The following SLC44A1 variants were observed in gnomAD, a reference collection of about 807,000 sequenced individuals.
The protein encoded by SLC44A1 is solute carrier family 44 member 1.
In SLC44A1, 26 loss-of-function variants were observed where a neutral mutation model predicts 79.3. The observed-to-expected ratio is 0.33, with a 90% CI of 0.24 to 0.46. The LOEUF (loss-of-function observed/expected upper bound fraction) is 0.46, where lower values mean the gene tolerates loss of function less well. SLC44A1 is among the 20% of genes least tolerant of loss of function. The probability of loss-of-function intolerance (pLI) is 1.00; values close to 1 mark genes in which losing one functional copy is unlikely to be tolerated. For missense variants in SLC44A1, 688 were observed against 798.1 expected, an observed-to-expected ratio of 0.86 and a Z score of 1.66; for synonymous variants, 263 against 286.2, an observed-to-expected ratio of 0.92 and a Z score of 0.82.
intron 12 of SLC44A1, among the ~76,000 whole-genome samples, chr9:105,368,859 G>A (rs1220787009): frequency 7.2e-5 from 11 of 152,052 alleles, no homozygotes. Flanking sequence ...CCAACATGGT[G>A]AAACCCCATC....
Position 105,391,329 on chromosome 9 carries a change from A to C in SLC44A1, c.*2273A>C. 2.0e-6 allele frequency: 2 copies of C among 985,542 alleles called. No homozygotes were observed. The highest frequency in any genetic ancestry group is 2.4e-6 in the Non-Finnish European group (2 of 829,666). The allele number at this position is 985,542 out of a possible 1,614,324, so 61.0% of individuals were successfully genotyped here. On this transcript the variant is annotated 3_prime_UTR_variant, in exon 16 of 16. Coordinates refer to ENST00000374720, the MANE Select transcript of SLC44A1 (RefSeq NM_080546.5). Reference sequence around the variant, plus strand: ...AACTGTAATCAGAAAGAAATTTTGTATTTTTGTATAACTTGATTGTGTGCC... The same window carrying C: ...AACTGTAATCAGAAAGAAATTTTGTCTTTTTGTATAACTTGATTGTGTGCC...
chr9:105,338,613 T>C (rs1826994803), intron 4 of SLC44A1, among the ~76,000 whole-genome samples: 1 of 152,128 alleles, frequency 6.6e-6, no homozygotes, highest in Admixed American at 6.5e-5. Flanking sequence ...GAGGTATTGC[T>C]GTGTTGTCTA....
At chr9:105,437,206 C>A (rs1207732726) in intron 15 of SLC44A1, among the ~76,000 whole-genome samples, 2 of 152,188 alleles carry the variant, frequency 1.3e-5, no homozygotes, top group African/African-American at 4.8e-5. Context: ...TATTGTTACA[C>A]CTCTGTTAAA....
At chr9:105,276,564 C>CAGTG (rs1564409372) in intron 1 of SLC44A1, among the ~76,000 whole-genome samples, 1 of 63,896 alleles carries the variant, frequency 1.6e-5, no homozygotes, top group African/African-American at 4.7e-5. Flanking sequence ...GGATGGGGAG[C>CAGTG]CGTGTGTGTG....
At chr9:105,246,471 C>T (rs1165243694) in intron 1 of SLC44A1, among the ~76,000 whole-genome samples, 2 of 143,780 alleles carry the variant, frequency 1.4e-5, no homozygotes, top group African/African-American at 5.2e-5. Flanking sequence ...GATTCCTATT[C>T]AGTTATAATA....
At position 105,389,448 on chromosome 9, in the gene SLC44A1, CA is replaced by C. The variant is rs1040023494; in HGVS notation, c.*393del. The C allele has an allele frequency of 5.8e-6, 6 of 1,032,128 alleles. No individual in the cohort carries two copies. In the African/African-American group the frequency reaches 6.8e-5, roughly 12 times the overall value. 63.9% of individuals were successfully genotyped at this position (1,032,128 alleles called of 1,614,324 possible). ...TACCTAATTATGTCTAAAGTTTATT[CA>C]GGGGTAATTTCCCTGATGTCTGTAT... On this transcript the variant is annotated 3_prime_UTR_variant, in exon 16 of 16. Coordinates refer to ENST00000374720, the MANE Select transcript of SLC44A1 (RefSeq NM_080546.5).
At chr9:105,294,751 A>G (rs923002464) in intron 1 of SLC44A1, 4 of 151,558 alleles carry the variant, frequency 2.6e-5, no homozygotes, top group African/African-American at 4.8e-5. Flanking sequence ...ATTTTTTTCA[A>G]ATATTTCCTC....
At chr9:105,305,863 T>C (rs924803880) in intron 2 of SLC44A1, among the ~76,000 whole-genome samples, 1 of 150,832 alleles carries the variant, frequency 6.6e-6, no homozygotes, top group African/African-American at 2.4e-5. Context: ...TTTTTTTTTT[T>C]TTTTACTAAT....
intron 1 of SLC44A1, among the ~76,000 whole-genome samples, chr9:105,275,804 ATT>A (rs1229808333): frequency 8.6e-5 from 12 of 138,858 alleles, no homozygotes; most frequent in Admixed American, 2.9e-4. Flanking sequence ...TGGAAGAACA[ATT>A]TTTTTTTTTT....
At chr9:105,373,841 C>T (rs1171087136) in intron 12 of SLC44A1, among the ~76,000 whole-genome samples, 1 of 152,030 alleles carries the variant, frequency 6.6e-6, no homozygotes, top group Admixed American at 6.5e-5. Context: ...GCCTTTTTTT[C>T]CCAGAAGCCC....
chr9:105,408,707 G>A (rs556379330), intron 15 of SLC44A1, among the ~76,000 whole-genome samples: 90 of 152,170 alleles, frequency 5.9e-4, no homozygotes, highest in African/African-American at 2.1e-3. Context: ...CACCGCACCC[G>A]GCCTGTCACT....
At chr9:105,312,795 G>C (rs922265093) in intron 3 of SLC44A1, among the ~76,000 whole-genome samples, 1 of 152,024 alleles carries the variant, frequency 6.6e-6, no homozygotes, top group Non-Finnish European at 1.5e-5. Flanking sequence ...ATGTTTGTTA[G>C]CCTTTCATGA....
At chr9:105,344,068 G>T (rs1403773261) in intron 4 of SLC44A1, among the ~76,000 whole-genome samples, 1 of 152,104 alleles carries the variant, frequency 6.6e-6, no homozygotes, top group Non-Finnish European at 1.5e-5. Flanking sequence ...TAGTGAAAAA[G>T]AGGTTAAATT....
chr9:105,400,487 C>CAAA (rs67752609), downstream of SLC44A1, among the ~76,000 whole-genome samples: 7 of 148,710 alleles, frequency 4.7e-5, 1 homozygote, highest in Non-Finnish European at 4.5e-5. Flanking sequence ...GACGCCATCT[C>CAAA]AAAAAAAGAA....
intron 1 of SLC44A1, among the ~76,000 whole-genome samples, chr9:105,272,230 A>G (rs1200660493): frequency 6.6e-6 from 1 of 152,204 alleles, no homozygotes; most frequent in African/African-American, 2.4e-5. Context: ...TACACCTTAT[A>G]TGAGTCTGTA....
intron 4 of SLC44A1, among the ~76,000 whole-genome samples, chr9:105,346,674 T>C (rs1827255920): frequency 6.6e-6 from 1 of 152,168 alleles, no homozygotes; most frequent in Non-Finnish European, 1.5e-5. Flanking sequence ...AAATGTAATC[T>C]AGTGGCATTA....
rs773024472 is a variant in SLC44A1 at position 105,365,503 on chromosome 9, T to C, written c.1274T>C (p.Phe425Ser). 2 of 1,612,996 alleles carry C rather than the reference T, an allele frequency of 1.2e-6. No homozygotes were observed. Among genetic ancestry groups the C allele is most frequent in the South Asian group, 1.1e-5 (1 of 90,882 alleles). ...AATAGGGATAAAAGGAATTTGCCAT[T>C]TACACCTATTTTGGCATCAGTAAAT... The part of the protein sequence containing the change: ...YFTRDKRNLP[F>S]TPILASVNRL... The change falls in exon 11 of 16, where the codon TTT becomes TCT. Residue 425 changes from phenylalanine to serine, a missense_variant. By Grantham distance (155) the Phe-to-Ser change is radical. Transcript: ENST00000374720.
chr9:105,327,077 C>G (rs927166086), intron 3 of SLC44A1, among the ~76,000 whole-genome samples: 5 of 152,168 alleles, frequency 3.3e-5, no homozygotes, highest in Non-Finnish European at 7.3e-5. Flanking sequence ...TATAATCAGT[C>G]ATAAAGTTTT....
chr9:105,278,727 TAGAA>T (rs1830273950), intron 1 of SLC44A1, among the ~76,000 whole-genome samples: 1 of 152,146 alleles, frequency 6.6e-6, no homozygotes, highest in Admixed American at 6.5e-5. Flanking sequence ...CCAGATAACT[TAGAA>T]GGAAAGTATA....
Sources: allele counts gnomAD v4.1 joint callset (sites outside exome capture counted in the v4.1 genomes callset), GRCh38; gene constraint gnomAD v4.1.1; transcripts MANE v1.5; gene names NCBI Gene and HGNC (gene_info 2026-07-23, HGNC 2026-07-21).